Variants in RBFOX1 observed in about 807,000 individuals in gnomAD.
RBFOX1 encodes RNA binding fox-1 homolog 1.
In RBFOX1, 8 loss-of-function variants were observed where a neutral mutation model predicts 57.7. The ratio of observed to expected loss-of-function variants is 0.14; its 90% CI spans 0.08 to 0.25. The LOEUF is 0.25. Among genes scored for constraint, RBFOX1 ranks in the 10% least tolerant of loss-of-function variants. The probability of loss-of-function intolerance (pLI) is 1.00; values close to 1 mark genes in which losing one functional copy is unlikely to be tolerated. For missense variants in RBFOX1, 611 were observed against 548.5 expected (o/e 1.11, Z -1.14); for synonymous variants, 326 against 222.4 (o/e 1.47, Z -4.15).
At chr16:5,248,451 TC>T (rs1227068474) in intron 1 of RBFOX1, among the ~76,000 whole-genome samples, 1 of 152,172 alleles carries the variant, frequency 6.6e-6, no homozygotes, top group Non-Finnish European at 1.5e-5. Flanking sequence ...GGGCAGCCTT[TC>T]CCCTTCTATT....
At chr16:6,344,147 C>A (rs553261171) in intron 2 of RBFOX1, among the ~76,000 whole-genome samples, 16 of 152,118 alleles carry the variant, frequency 1.1e-4, no homozygotes, top group Admixed American at 5.2e-4. Flanking sequence ...GCAACCTCCA[C>A]CTCCCGGGTT....
chr16:5,253,310 C>T (rs181982100), intron 1 of RBFOX1, among the ~76,000 whole-genome samples: 56 of 152,196 alleles, frequency 3.7e-4, no homozygotes, highest in African/African-American at 1.3e-3. Context: ...CAACCACACC[C>T]AGCTAATTTT....
At chr16:6,209,639 C>T (rs2097279555) in intron 1 of RBFOX1, among the ~76,000 whole-genome samples, 2 of 152,240 alleles carry the variant, frequency 1.3e-5, no homozygotes, top group Non-Finnish European at 2.9e-5. Flanking sequence ...ACTCAACTTG[C>T]TTTTCTCCTG....
At chr16:7,469,897 C>T (rs749134085) in intron 4 of RBFOX1, among the ~76,000 whole-genome samples, 3 of 152,238 alleles carry the variant, frequency 2.0e-5, no homozygotes, top group Middle Eastern at 3.4e-3. Flanking sequence ...AGTTTGACTA[C>T]GCTAAGTACC....
chr16:7,426,176 A>C (rs2098609333), intron 4 of RBFOX1, among the ~76,000 whole-genome samples: 1 of 152,230 alleles, frequency 6.6e-6, no homozygotes, highest in African/African-American at 2.4e-5. Context: ...TTCCAGAAGC[A>C]AACACAGCCG....
intron 15 of RBFOX1, 125 bp from the exon 16 acceptor site, chr16:7,710,498 T>TGG: frequency 6.4e-7 from 1 of 1,552,364 alleles, no homozygotes; most frequent in Admixed American, 2.2e-5. Flanking sequence ...TGACCTGGGA[T>TGG]GGGTAGGGGG....
chr16:6,122,925 C>G (rs1240222450), intron 1 of RBFOX1, among the ~76,000 whole-genome samples: 2 of 150,332 alleles, frequency 1.3e-5, no homozygotes, highest in East Asian at 3.9e-4. Flanking sequence ...TGAAATACCA[C>G]CAGTAGAAAA....
intron 4 of RBFOX1, among the ~76,000 whole-genome samples, chr16:7,355,266 C>A (rs1187099545): frequency 1.3e-5 from 2 of 152,164 alleles, no homozygotes; most frequent in African/African-American, 2.4e-5. Context: ...AGGCCTCAGC[C>A]AGCAACTCAG....
At chr16:5,383,861 A>C (rs1157153344) in intron 1 of RBFOX1, among the ~76,000 whole-genome samples, 1 of 152,240 alleles carries the variant, frequency 6.6e-6, no homozygotes, top group East Asian at 1.9e-4. Context: ...GACATAATTA[A>C]GATGTCTAAC....
At chr16:6,655,224 A>G (rs1264281279) in intron 3 of RBFOX1, among the ~76,000 whole-genome samples, 1 of 151,402 alleles carries the variant, frequency 6.6e-6, no homozygotes, top group Non-Finnish European at 1.5e-5. Context: ...AAATAGAAAA[A>G]TTAGCCGGGT....
intron 1 of RBFOX1, among the ~76,000 whole-genome samples, chr16:5,401,764 TCTCCTC>T (rs71142618): frequency 0.015 from 1,556 of 103,484 alleles, 34 homozygotes; most frequent in African/African-American, 0.048. Context: ...TCCCTGTCTC[TCTCCTC>T]CTCCTCCTCC....
At chr16:5,594,137 C>T (rs2047104462) in intron 2 of RBFOX1, among the ~76,000 whole-genome samples, 2 of 152,188 alleles carry the variant, frequency 1.3e-5, no homozygotes, top group Non-Finnish European at 2.9e-5. Context: ...TCTGACCCCA[C>T]ACCCTCTGTC....
At chr16:7,166,428 C>A (rs887951697) in intron 4 of RBFOX1, among the ~76,000 whole-genome samples, 3 of 151,762 alleles carry the variant, frequency 2.0e-5, no homozygotes, top group Non-Finnish European at 4.4e-5. Context: ...ATAGAGGAGT[C>A]CATGAATAAA....
At chr16:6,071,320 C>T (rs949381287) in intron 1 of RBFOX1, among the ~76,000 whole-genome samples, 7 of 151,992 alleles carry the variant, frequency 4.6e-5, no homozygotes, top group African/African-American at 1.7e-4. Context: ...GACCCTGTCT[C>T]CAAAACCAAC....
intron 1 of RBFOX1, among the ~76,000 whole-genome samples, chr16:5,341,862 G>C (rs565104082): frequency 6.6e-6 from 1 of 152,300 alleles, no homozygotes; most frequent in Non-Finnish European, 1.5e-5. Flanking sequence ...AGGCATCCCA[G>C]CAGAGCTGCT....
At chr16:5,361,450 G>T (rs1387044173) in intron 1 of RBFOX1, among the ~76,000 whole-genome samples, 1 of 152,156 alleles carries the variant, frequency 6.6e-6, no homozygotes, top group Non-Finnish European at 1.5e-5. Context: ...TCTTGTAAAA[G>T]AAACTCTCAG....
At chr16:6,653,938 G>T (rs1432397287) in intron 2 of RBFOX1, among the ~76,000 whole-genome samples, 9 of 146,234 alleles carry the variant, frequency 6.2e-5, no homozygotes, top group Non-Finnish European at 9.0e-5. Context: ...ATGATTGATG[G>T]ATAGAGGGTG....
intron 3 of RBFOX1, among the ~76,000 whole-genome samples, chr16:7,025,473 A>AG (rs1463237138): frequency 1.3e-5 from 2 of 152,120 alleles, no homozygotes; most frequent in Admixed American, 6.6e-5. Context: ...AATGCATCCT[A>AG]GTAGGTCTCA....
At chr16:7,168,165 A>G (rs1467129768) in intron 4 of RBFOX1, among the ~76,000 whole-genome samples, 2 of 152,178 alleles carry the variant, frequency 1.3e-5, no homozygotes, top group African/African-American at 2.4e-5. Flanking sequence ...TCACTTATCA[A>G]TGATGGCTTT....
Sources: allele counts gnomAD v4.1 joint callset (sites outside exome capture counted in the v4.1 genomes callset), GRCh38; gene constraint gnomAD v4.1.1; transcripts MANE v1.5; gene names NCBI Gene and HGNC (gene_info 2026-07-23, HGNC 2026-07-21).